Variants in SBF2 observed in about 807,000 individuals in gnomAD.
SBF2 encodes the protein myotubularin-related protein 13.
In SBF2, 112 loss-of-function variants were observed where a neutral mutation model predicts 225.2. That is an observed-to-expected ratio of 0.50 (90% CI 0.43 to 0.58). SBF2 has a LOEUF of 0.58. SBF2 is among the 20% of genes least tolerant of loss of function. The probability of loss-of-function intolerance (pLI) is 0.00; values close to 1 mark genes in which losing one functional copy is unlikely to be tolerated. For synonymous variants in SBF2, 763 were observed against 773.3 expected (o/e 0.99, Z 0.22); for missense variants, 1,996 against 2,206.2 (o/e 0.90, Z 1.91).
At chr11:9,931,000 G>A (rs151095414) in intron 16 of SBF2, among the ~76,000 whole-genome samples, 44 of 152,388 alleles carry the variant, frequency 2.9e-4, no homozygotes, top group African/African-American at 7.5e-4. Flanking sequence ...CTCACTGCAA[G>A]CTAGCACAGC....
chr11:9,930,427 CAGAGA>C (rs1217113413), intron 16 of SBF2, among the ~76,000 whole-genome samples: 1 of 151,984 alleles, frequency 6.6e-6, no homozygotes, highest in Non-Finnish European at 1.5e-5. Flanking sequence ...TCTATAGTGG[CAGAGA>C]AAAGATCAGC....
At chr11:10,162,066 C>T (rs370060782) in intron 2 of SBF2, among the ~76,000 whole-genome samples, 10 of 151,828 alleles carry the variant, frequency 6.6e-5, no homozygotes, top group African/African-American at 2.2e-4. Context: ...CTGTGTAGGA[C>T]GAGAACATGA....
chr11:10,095,726 C>T (rs998830224), intron 2 of SBF2, among the ~76,000 whole-genome samples: 1 of 152,134 alleles, frequency 6.6e-6, no homozygotes, highest in Non-Finnish European at 1.5e-5. Flanking sequence ...AGAGAACAAA[C>T]GGATTTTAAT....
intron 26 of SBF2, among the ~76,000 whole-genome samples, chr11:9,833,574 C>T (rs1445339253): frequency 4.6e-5 from 7 of 151,824 alleles, no homozygotes; most frequent in African/African-American, 1.7e-4. Flanking sequence ...GCGCCTGCCA[C>T]CATCCCTGGC....
intron 29 of SBF2, among the ~76,000 whole-genome samples, chr11:9,814,864 T>C (rs907107258): frequency 2.0e-5 from 3 of 152,232 alleles, no homozygotes; most frequent in Non-Finnish European, 2.9e-5. Flanking sequence ...TTGTTCCTAA[T>C]AATAAAGTAT....
At chr11:10,021,772 G>C (rs1458040081) in intron 6 of SBF2, among the ~76,000 whole-genome samples, 1 of 152,138 alleles carries the variant, frequency 6.6e-6, no homozygotes, top group Non-Finnish European at 1.5e-5. Flanking sequence ...AACCCAGCTC[G>C]TGAACTCTGA....
intron 1 of SBF2, among the ~76,000 whole-genome samples, chr11:10,237,294 C>G (rs1959110831): frequency 6.6e-6 from 1 of 152,188 alleles, no homozygotes; most frequent in Non-Finnish European, 1.5e-5. Flanking sequence ...TTGCAGTGAG[C>G]TGAGAGCGTG....
At chr11:10,049,533 G>A (rs954557452) in intron 2 of SBF2, among the ~76,000 whole-genome samples, 1 of 152,074 alleles carries the variant, frequency 6.6e-6, no homozygotes, top group Non-Finnish European at 1.5e-5. Flanking sequence ...CTTGAACCTG[G>A]GAGGCGGATG....
chr11:9,894,983 C>T (rs900568414), intron 17 of SBF2, among the ~76,000 whole-genome samples: 2 of 152,058 alleles, frequency 1.3e-5, no homozygotes, highest in Non-Finnish European at 2.9e-5. Flanking sequence ...AACTCTGTCT[C>T]AATAAATAAA....
At chr11:9,787,896 A>G (rs1054388358) in intron 35 of SBF2, 158 bp from the exon 36 acceptor site, 10 of 680,482 alleles carry the variant, frequency 1.5e-5, no homozygotes, top group East Asian at 2.7e-5. Context: ...CCAGCCAGGA[A>G]TAGTGGTGAG....
At chr11:10,040,146 T>C (rs751439152) in intron 3 of SBF2, among the ~76,000 whole-genome samples, 3 of 152,050 alleles carry the variant, frequency 2.0e-5, no homozygotes, top group Non-Finnish European at 4.4e-5. Flanking sequence ...AACAGTAGGA[T>C]ATTTGCATAG....
At chr11:10,018,119 G>C (rs1042879581) in intron 6 of SBF2, among the ~76,000 whole-genome samples, 1 of 152,114 alleles carries the variant, frequency 6.6e-6, no homozygotes, top group Non-Finnish European at 1.5e-5. Context: ...ACAAATAAGA[G>C]GGAACTGTCC....
chr11:9,897,823 C>A (rs1201784388), intron 16 of SBF2, among the ~76,000 whole-genome samples: 1 of 152,182 alleles, frequency 6.6e-6, no homozygotes, highest in Non-Finnish European at 1.5e-5. Flanking sequence ...AGGTGTCAGC[C>A]ACAGAGCCAC....
intron 6 of SBF2, among the ~76,000 whole-genome samples, chr11:10,025,402 G>A (rs762135653): frequency 6.6e-6 from 1 of 151,894 alleles, no homozygotes; most frequent in Non-Finnish European, 1.5e-5. Context: ...ATCCACCTTG[G>A]TAAAACTTAA....
intron 13 of SBF2, among the ~76,000 whole-genome samples, chr11:9,979,713 A>C (rs1303868536): frequency 6.6e-6 from 1 of 152,230 alleles, no homozygotes; most frequent in East Asian, 1.9e-4. Flanking sequence ...TAGAAATCTG[A>C]AAATATTGCT....
intron 1 of SBF2, among the ~76,000 whole-genome samples, chr11:10,257,061 T>C (rs571798869): frequency 4.6e-4 from 70 of 152,284 alleles, no homozygotes; most frequent in African/African-American, 1.6e-3. Context: ...AGCTAAGCAC[T>C]TGACAGGAAA....
intron 2 of SBF2, among the ~76,000 whole-genome samples, chr11:10,094,351 T>C (rs1377534917): frequency 6.6e-6 from 1 of 152,040 alleles, no homozygotes; most frequent in Non-Finnish European, 1.5e-5. Context: ...ATATATTAAC[T>C]TTTTATTCAA....
chr11:10,203,245 C>T (rs1020693103), intron 1 of SBF2, among the ~76,000 whole-genome samples: 28 of 151,964 alleles, frequency 1.8e-4, no homozygotes, highest in African/African-American at 2.2e-4. Flanking sequence ...ATGAAGCACA[C>T]GAAAGGAACA....
chr11:9,966,305 G>A (rs532189798), intron 14 of SBF2, among the ~76,000 whole-genome samples: 29 of 152,242 alleles, frequency 1.9e-4, no homozygotes, highest in African/African-American at 6.7e-4. Context: ...GGCCAGGCTG[G>A]TCTTGAACTC....
Sources: gnomAD v4.1 joint callset for allele counts (sites outside exome capture counted in the v4.1 genomes callset) on GRCh38, gnomAD v4.1.1 for gene constraint, MANE v1.5 for transcripts, NCBI Gene and HGNC (gene_info 2026-07-23, HGNC 2026-07-21) for gene names.